The following MMAA variants were observed in gnomAD, a reference collection of about 807,000 sequenced individuals.
MMAA encodes the protein methylmalonic aciduria type A protein, mitochondrial.
In MMAA, 41 loss-of-function variants were observed where a neutral mutation model predicts 45.0. That is an observed-to-expected ratio of 0.91 (90% CI 0.71 to 1.18). The LOEUF (loss-of-function observed/expected upper bound fraction) is 1.18. Among genes scored for constraint, MMAA ranks in the 50% most tolerant of loss-of-function variants. The pLI is 0.00. For missense variants in MMAA, 460 were observed against 495.7 expected (o/e 0.93, Z 0.68); for synonymous variants, 154 against 178.2 (o/e 0.86, Z 1.08).
At chr4:145,646,393 A>T (rs1010765251) in intron 4 of MMAA, 1 of 487,052 alleles carries the variant, frequency 2.1e-6, no homozygotes. Context: ...CAGGTGGTAT[A>T]TTATACATGC....
rs530671445 is a variant in MMAA, at chr4:145,625,900, G to A, written c.-66+6493G>A. 489 of 1,570,114 alleles carry A rather than the reference G, an allele frequency of 3.1e-4. 7 individuals are homozygous for A. In the South Asian group the frequency reaches 3.6e-3, roughly 12 times the overall value. On this transcript the variant is annotated intron_variant, in intron 1 of 6. Coordinates refer to ENST00000649156, the MANE Select transcript of MMAA (RefSeq NM_172250.3). ...CTGTGAATCTGAGCTTTGACCTCTCGCAAGTTATCTTTAATTTGCTGTTCA... is the reference window on the plus strand; with the variant it reads ...CTGTGAATCTGAGCTTTGACCTCTCACAAGTTATCTTTAATTTGCTGTTCA...
chr4:145,621,834 G>A (rs1200834595), intron 1 of MMAA, among the ~76,000 whole-genome samples: 1 of 152,118 alleles, frequency 6.6e-6, no homozygotes, highest in Non-Finnish European at 1.5e-5. Context: ...AATATCCCAA[G>A]TCAGACTGGC....
At chr4:145,631,827 T>G (rs904153959) in intron 1 of MMAA, among the ~76,000 whole-genome samples, 1 of 152,310 alleles carries the variant, frequency 6.6e-6, no homozygotes, top group Middle Eastern at 3.4e-3. Flanking sequence ...GAGATTACTG[T>G]AAGACTTGCT....
At chr4:145,626,919 A>C (rs559872215) in intron 1 of MMAA, among the ~76,000 whole-genome samples, 1 of 152,372 alleles carries the variant, frequency 6.6e-6, no homozygotes, top group South Asian at 2.1e-4. Context: ...TATCAAATCC[A>C]GAATTACATA....
At chr4:145,648,023 AT>A (rs771723312) in intron 4 of MMAA, among the ~76,000 whole-genome samples, 514 of 130,754 alleles carry the variant, frequency 3.9e-3, no homozygotes, top group Middle Eastern at 4.4e-3. Flanking sequence ...TGCCCAGCTA[AT>A]TTTTTTTTTT....
chr4:145,632,418 C>G (rs1727474340), intron 1 of MMAA, among the ~76,000 whole-genome samples: 1 of 152,102 alleles, frequency 6.6e-6, no homozygotes. Context: ...TCTTGTGCTG[C>G]TTTTAGGATT....
At chr4:145,625,489 G>A (rs1399480441) in intron 1 of MMAA, 14 of 723,668 alleles carry the variant, frequency 1.9e-5, no homozygotes, top group African/African-American at 1.4e-4. Flanking sequence ...TAGGGATATA[G>A]CCTCTTCTCC....
intron 1 of MMAA, chr4:145,624,265 A>G (rs893393355): frequency 1.3e-5 from 10 of 798,546 alleles, no homozygotes; most frequent in Admixed American, 3.4e-5. Context: ...GTCTGGGGGG[A>G]AGTTATATTC....
Position 145,639,504 on chromosome 4 carries a change from T to A in MMAA, c.365T>A (p.Leu122His). 6.2e-7 allele frequency: 1 copy of A among 1,613,932 alleles called. No homozygotes were observed. The highest frequency in any genetic ancestry group is 8.5e-7 in the Non-Finnish European group (1 of 1,179,916). ...HSRKKELAQVLLQKVLLYHRE... is the reference protein window; with the variant it reads ...HSRKKELAQVHLQKVLLYHRE... Reference sequence around the variant, plus strand: ...AGGAAAAAGGAGTTAGCCCAGGTGCTTCTTCAGAAAGTATTACTTTACCAC... The same window carrying A: ...AGGAAAAAGGAGTTAGCCCAGGTGCATCTTCAGAAAGTATTACTTTACCAC... Residue 122 changes from leucine (L) to histidine (H), a missense_variant, in exon 2 of 7, where the codon CTT (leucine) becomes CAT (histidine). By Grantham distance (99) the Leu-to-His change is moderately conservative (BLOSUM62 -3). Transcript: ENST00000649156.
At chr4:145,648,147 CT>C (rs79060790) in intron 4 of MMAA, among the ~76,000 whole-genome samples, 605 of 125,076 alleles carry the variant, frequency 4.8e-3, no homozygotes, top group African/African-American at 7.7e-3. Context: ...CGTGCCTGGC[CT>C]TTTTTTTTTT....
Position 145,627,657 on chromosome 4 carries a change from T to TA in MMAA, c.-66+8251dup, listed in dbSNP as rs1475315094. 4.6e-5 allele frequency among the ~76,000 whole-genome samples: 7 copies of TA among 152,290 alleles called. 1 individual carries two copies. Among genetic ancestry groups the TA allele is most frequent in the Admixed American group, 3.9e-4 (6 of 15,286 alleles). On this transcript the variant is annotated intron_variant, in intron 1 of 6. Coordinates refer to ENST00000649156, the MANE Select transcript of MMAA (RefSeq NM_172250.3). ...GAACAAAAGACTGTGGAGCATTGAA[T>TA]AGAACACTTAACTGCCTGGAGAAGG...
rs576076465 is a variant in MMAA at position 145,653,345 on chromosome 4, A to T, written c.820-649A>T. Among the ~76,000 whole-genome samples, 207 of 152,302 alleles carry T rather than the reference A, an allele frequency of 1.4e-3. 1 individual carries two copies. The highest frequency in any genetic ancestry group is 4.5e-3 in the African/African-American group (189 of 41,574). On this transcript the variant is annotated intron_variant, in intron 5 of 6. Transcript: ENST00000649156. ...TTTAATCTTATGTAGAAAAATCTGTATTTACTAAATAAGGTTTGGCTTTTG... is the reference window on the plus strand; with the variant it reads ...TTTAATCTTATGTAGAAAAATCTGTTTTTACTAAATAAGGTTTGGCTTTTG...
chr4:145,655,045 A>G (rs1728186288), intron 6 of MMAA, 102 bp from the exon 7 acceptor site: 4 of 1,288,980 alleles, frequency 3.1e-6, no homozygotes, highest in Middle Eastern at 2.7e-4. Flanking sequence ...TCAATTGCCT[A>G]TTTTTGTAGA....
chr4:145,619,920 C>T (rs1734057337), intron 1 of MMAA, among the ~76,000 whole-genome samples: 1 of 152,054 alleles, frequency 6.6e-6, no homozygotes, highest in Non-Finnish European at 1.5e-5. Context: ...CATGGCGTGC[C>T]GGGCAGGGTC....
At chr4:145,643,252 T>G (rs764056738) in intron 3 of MMAA, among the ~76,000 whole-genome samples, 2 of 152,218 alleles carry the variant, frequency 1.3e-5, no homozygotes, top group Non-Finnish European at 2.9e-5. Context: ...TTAGCAAGTA[T>G]TTGAGTGCCT....
intron 1 of MMAA, among the ~76,000 whole-genome samples, chr4:145,623,533 A>G (rs549373698): frequency 6.6e-6 from 1 of 152,350 alleles, no homozygotes; most frequent in South Asian, 2.1e-4. Flanking sequence ...TTTCAAGTGA[A>G]GAATAATAAT....
chr4:145,625,111 A>G (rs1200181753), intron 1 of MMAA: 4 of 1,076,710 alleles, frequency 3.7e-6, no homozygotes, highest in African/African-American at 1.6e-5. Context: ...TCACTAGCCA[A>G]TCTGATAGGT....
chr4:145,624,928 G>C, intron 1 of MMAA: 1 of 1,381,338 alleles, frequency 7.2e-7, no homozygotes. Flanking sequence ...CACTTAGATT[G>C]CCCACGTTTT....
rs1727814167 is a variant in MMAA, at chr4:145,642,443, T to A, written c.520T>A (p.Leu174Ile). The A allele has an allele frequency of 2.5e-6, 4 of 1,614,168 alleles. No individual in the cohort carries two copies. The East Asian group carries it at 8.9e-5, about 36-fold the overall frequency. ...AATGCTTACTGAGAGAGGGCACAAA[T>A]TATCTGTGCTAGCTGTGGACCCTTC... ...GKMLTERGHK[L>I]SVLAVDPSSC... is the part of the protein sequence containing the mutation. Residue 174 changes from leucine (L) to isoleucine (I), a missense_variant, in exon 3 of 7, where the codon TTA becomes ATA. Physicochemically the swap from Leu to Ile is conservative, Grantham distance 5 (BLOSUM62 2). Transcript: ENST00000649156.
Sources: allele counts gnomAD v4.1 joint callset (sites outside exome capture counted in the v4.1 genomes callset), GRCh38; gene constraint gnomAD v4.1.1; transcripts MANE v1.5; gene names NCBI Gene and HGNC (gene_info 2026-07-23, HGNC 2026-07-21).